The following TYW1 variants were observed in gnomAD, a reference collection of about 807,000 sequenced individuals.
TYW1 encodes tRNA-yW synthesizing protein 1 homolog, also known as S-adenosyl-L-methionine-dependent tRNA 4-demethylwyosine synthase TYW1.
Under a neutral mutation model 96.2 loss-of-function variants are expected in TYW1, and 46 were observed. That is an observed-to-expected ratio of 0.48 (90% confidence interval 0.38 to 0.61). The LOEUF is 0.61. TYW1 is among the 20% of genes least tolerant of loss of function. The pLI, the probability that TYW1 is intolerant of heterozygous loss-of-function variation, is 0.00. For synonymous variants in TYW1, 274 were observed against 323.0 expected (o/e 0.85, Z 1.63); for missense variants, 684 against 909.6 (o/e 0.75, Z 3.19).
chr7:67,146,517 A>C (rs1374969707), intron 13 of TYW1, among the ~76,000 whole-genome samples: 1 of 151,726 alleles, frequency 6.6e-6, no homozygotes, highest in Non-Finnish European at 1.5e-5. Context: ...ACAATGGAGC[A>C]AGACCAACAA....
intron 9 of TYW1, among the ~76,000 whole-genome samples, chr7:67,056,650 C>T (rs1412094692): frequency 1.3e-5 from 2 of 151,978 alleles, no homozygotes; most frequent in African/African-American, 4.8e-5. Context: ...CAGTAGTATG[C>T]CATTGTATGA....
At chr7:67,229,895 T>C (rs535792860) in intron 15 of TYW1, among the ~76,000 whole-genome samples, 2 of 152,336 alleles carry the variant, frequency 1.3e-5, no homozygotes, top group South Asian at 4.1e-4. Context: ...GAGGCTTCAG[T>C]GAGCTATGAT....
In TYW1 at chr7:67,048,331, T is replaced by A. The variant is rs1399693504; in HGVS notation, c.985-1618T>A. On this transcript the variant is annotated intron_variant, in intron 7 of 15. Transcript: ENST00000359626. Reference sequence around the variant, plus strand: ...CTTATTCACCTGGGGGCTGGATGGCTGGACATTTAAAATAGACAGGGACCA... The same window carrying A: ...CTTATTCACCTGGGGGCTGGATGGCAGGACATTTAAAATAGACAGGGACCA... Among the ~76,000 whole-genome samples, 8 of 151,186 alleles carry A rather than the reference T, an allele frequency of 5.3e-5. No homozygotes were observed. The East Asian group carries it at 9.7e-4, about 18-fold the overall frequency.
At chr7:67,184,370 G>A (rs1309343868) in intron 14 of TYW1, among the ~76,000 whole-genome samples, 1 of 151,946 alleles carries the variant, frequency 6.6e-6, no homozygotes, top group Non-Finnish European at 1.5e-5. Flanking sequence ...AAATTCAGGG[G>A]TGCATGTGTG....
intron 13 of TYW1, among the ~76,000 whole-genome samples, chr7:67,136,037 G>A (rs1283102830): frequency 6.6e-6 from 1 of 152,110 alleles, no homozygotes; most frequent in Non-Finnish European, 1.5e-5. Flanking sequence ...TGTTCACCTT[G>A]TTTTACAGAT....
intron 1 of TYW1, among the ~76,000 whole-genome samples, chr7:66,997,583 A>T (rs1373042039): frequency 2.6e-5 from 4 of 152,110 alleles, no homozygotes; most frequent in Non-Finnish European, 5.9e-5. Flanking sequence ...CAGTGTGATA[A>T]TTTTATTACG....
chr7:67,021,675 C>T (rs1231298968), intron 6 of TYW1, among the ~76,000 whole-genome samples: 1 of 152,082 alleles, frequency 6.6e-6, no homozygotes, highest in African/African-American at 2.4e-5. Context: ...CATTAATTTT[C>T]AAGCACTACT....
intron 14 of TYW1, among the ~76,000 whole-genome samples, chr7:67,194,163 A>C (rs1357585987): frequency 2.0e-5 from 3 of 152,222 alleles, no homozygotes; most frequent in African/African-American, 7.2e-5. Context: ...AAAGAGTTAG[A>C]TAACTTAACT....
At chr7:67,220,201 A>ATTTTTTTTTTTTTTT (rs57595328) in intron 15 of TYW1, among the ~76,000 whole-genome samples, 3 of 93,170 alleles carry the variant, frequency 3.2e-5, no homozygotes, top group African/African-American at 9.1e-5. Context: ...TCATTTATTG[A>ATTTTTTTTTTTTTTT]TTTTTTTTTT....
At position 67,138,792 on chromosome 7, in the gene TYW1, G is replaced by C. The variant is rs35011540; in HGVS notation, c.1698+21174G>C. Among the ~76,000 whole-genome samples the C allele has an allele frequency of 3.0e-3, 449 of 152,026 alleles. 3 individuals carry two copies. The highest frequency in any genetic ancestry group is 8.5e-3 in the African/African-American group (353 of 41,340). ...ATGACCTCCAGTTCCATCCATGTTGGAGATGACAGGACCTCATTCTTTTTT... is the reference window on the plus strand; with the variant it reads ...ATGACCTCCAGTTCCATCCATGTTGCAGATGACAGGACCTCATTCTTTTTT... On this transcript the variant is annotated intron_variant, in intron 13 of 15. Transcript: ENST00000359626.
chr7:67,056,372 A>G lies in TYW1; in HGVS notation c.1155+485A>G, dbSNP rs562319035. Among the ~76,000 whole-genome samples the G allele has an allele frequency of 6.6e-5, 10 of 152,094 alleles. No homozygotes were observed. The South Asian group carries it at 1.9e-3, about 28-fold the overall frequency. The stretch of plus-strand genomic sequence containing the variant: ...TCAGGTGTGGTGGTGGGCGTCTGTA[A>G]TCCCAGCTATTCGGGAGGCTGAGGC... On this transcript the variant is annotated intron_variant, in intron 9 of 15. Coordinates refer to ENST00000359626, the MANE Select transcript of TYW1 (RefSeq NM_018264.4).
chr7:67,089,520 T>C (rs1322273221), intron 11 of TYW1: 15 of 772,106 alleles, frequency 1.9e-5, no homozygotes, highest in South Asian at 1.5e-5. Context: ...CTTTGCTTTC[T>C]AGGGTGAGTT....
At chr7:67,131,838 G>A (rs1466390719) in intron 13 of TYW1, among the ~76,000 whole-genome samples, 1 of 152,184 alleles carries the variant, frequency 6.6e-6, no homozygotes, top group Admixed American at 6.5e-5. Flanking sequence ...GAGTCCAAAA[G>A]CTGAAGAACT....
At chr7:67,083,242 C>T (rs1796439260) in intron 10 of TYW1, among the ~76,000 whole-genome samples, 188 bp from the exon 11 acceptor site, 1 of 152,180 alleles carries the variant, frequency 6.6e-6, no homozygotes, top group Non-Finnish European at 1.5e-5. Context: ...AATGATTTCT[C>T]TATTCACCCC....
In TYW1 at chr7:67,201,307, A is replaced by AAACAAC. The variant is rs200234600; in HGVS notation, c.1977+6003_1977+6008dup. Reference sequence around the variant, plus strand: ...AGAGTGAGACCCTCCTCCATTTCTAAAACAACAACAACAACAACAACAACA... The same window carrying AAACAAC: ...AGAGTGAGACCCTCCTCCATTTCTAAAACAACAACAACAACAACAACAACAACAACA... On this transcript the variant is annotated intron_variant, in intron 15 of 15. Transcript: ENST00000359626. Among the ~76,000 whole-genome samples the AAACAAC allele has an allele frequency of 1.9e-3, 219 of 113,794 alleles. 24 individuals are homozygous for AAACAAC. Among genetic ancestry groups the AAACAAC allele is most frequent in the Non-Finnish European group, 2.2e-3 (131 of 58,486 alleles). The allele number at this position is 113,794 out of a possible 152,430, so 74.7% of individuals were successfully genotyped here.
chr7:67,066,288 G>A (rs1795866996), intron 9 of TYW1, among the ~76,000 whole-genome samples: 1 of 152,028 alleles, frequency 6.6e-6, no homozygotes, highest in African/African-American at 2.4e-5. Flanking sequence ...AGGCTTCACT[G>A]CTTTCACTTG....
intron 7 of TYW1, among the ~76,000 whole-genome samples, chr7:67,043,350 C>A (rs1387392872): frequency 7.4e-6 from 1 of 134,798 alleles, no homozygotes; most frequent in Non-Finnish European, 1.5e-5. Context: ...AATGTAAAGC[C>A]CATTGCTACT....
At chr7:67,017,092 C>T (rs1470365715) in intron 5 of TYW1, among the ~76,000 whole-genome samples, 1 of 149,358 alleles carries the variant, frequency 6.7e-6, no homozygotes, top group African/African-American at 2.5e-5. Context: ...AAGGAATTCT[C>T]ATGACTCGAC....
intron 12 of TYW1, among the ~76,000 whole-genome samples, chr7:67,102,777 G>A (rs1351605033): frequency 6.6e-6 from 1 of 151,852 alleles, no homozygotes; most frequent in Non-Finnish European, 1.5e-5. Context: ...TCAGCCTCCC[G>A]AGTAGCTGGG....
Sources: allele counts gnomAD v4.1 joint callset (sites outside exome capture counted in the v4.1 genomes callset), GRCh38; gene constraint gnomAD v4.1.1; transcripts MANE v1.5; gene names NCBI Gene and HGNC (gene_info 2026-07-23, HGNC 2026-07-21).